Variants in C2orf76 observed in about 807,000 individuals in gnomAD.
C2orf76 encodes the protein UPF0538 protein C2orf76.
C2orf76 carries 23 observed loss-of-function variants against 16.9 expected under a neutral mutation model. The ratio of observed to expected loss-of-function variants is 1.36; its 90% confidence interval spans 0.98 to 1.93. The LOEUF is 1.93. Ranked by LOEUF, C2orf76 falls within the 30% of genes most tolerant of loss-of-function variation. The pLI is 0.00. For missense variants in C2orf76, 152 were observed against 152.6 expected, an observed-to-expected ratio of 1.00 and a Z score of 0.02; for synonymous variants, 48 against 52.3, an observed-to-expected ratio of 0.92 and a Z score of 0.35.
chr2:119,344,855 G>A (rs1680148511), intron 1 of C2orf76, among the ~76,000 whole-genome samples: 1 of 152,176 alleles, frequency 6.6e-6, no homozygotes, highest in African/African-American at 2.4e-5. Flanking sequence ...TAACAGAGAA[G>A]TCAGACTTAA....
intron 2 of C2orf76, among the ~76,000 whole-genome samples, chr2:119,326,885 T>C (rs1048295981): frequency 6.6e-6 from 1 of 152,248 alleles, no homozygotes; most frequent in African/African-American, 2.4e-5. Context: ...TTAATTCTTG[T>C]ACACTGATCT....
At chr2:119,281,626 T>A in the C2orf76 span, among the ~76,000 whole-genome samples, 2 of 152,220 alleles carry the variant, frequency 1.3e-5, no homozygotes, top group Admixed American at 1.3e-4. Flanking sequence ...TATAAGCGTT[T>A]GCTAAATAAA....
At chr2:119,358,597 A>AC (rs2104648111) in intron 1 of C2orf76, among the ~76,000 whole-genome samples, 2 of 145,224 alleles carry the variant, frequency 1.4e-5, no homozygotes, top group South Asian at 4.4e-4. Flanking sequence ...AAAAAAAAAA[A>AC]GGCAAAACAG....
intron 5 of C2orf76, 128 bp downstream of exon 5, chr2:119,311,494 T>C (rs182177190): frequency 6.2e-6 from 9 of 1,446,308 alleles, no homozygotes; most frequent in Non-Finnish European, 8.2e-6. Context: ...TCTGAACAGT[T>C]ACCGGGCAGT....
chr2:119,310,047 A>C (rs1162415072), intron 5 of C2orf76, among the ~76,000 whole-genome samples: 1 of 152,216 alleles, frequency 6.6e-6, no homozygotes, highest in Non-Finnish European at 1.5e-5. Context: ...GGCTTGACAT[A>C]ATTTTCTGGC....
the C2orf76 span, among the ~76,000 whole-genome samples, chr2:119,292,991 TGCC>T: frequency 6.6e-6 from 1 of 152,224 alleles, no homozygotes; most frequent in East Asian, 1.9e-4. Context: ...GCCGAGATTG[TGCC>T]ACTGAACTCC....
upstream of C2orf76, chr2:119,366,882 C>T: frequency 1.2e-6 from 1 of 849,816 alleles, no homozygotes; most frequent in Non-Finnish European, 1.8e-6. Context: ...GGGGGCTGGG[C>T]ACGCCCCTAG....
downstream of C2orf76, among the ~76,000 whole-genome samples, chr2:119,299,450 T>A (rs1273690240): frequency 6.6e-6 from 1 of 152,238 alleles, no homozygotes; most frequent in Non-Finnish European, 1.5e-5. Context: ...TTTGAATCAA[T>A]CTTCCATTCC....
chr2:119,297,223 A>G, the C2orf76 span, among the ~76,000 whole-genome samples: 5 of 152,210 alleles, frequency 3.3e-5, no homozygotes, highest in Admixed American at 6.5e-5. Context: ...GACTCCTCAG[A>G]GCTCTAGCAC....
chr2:119,348,555 G>A (rs1265900360), intron 1 of C2orf76, among the ~76,000 whole-genome samples: 1 of 152,084 alleles, frequency 6.6e-6, no homozygotes, highest in Non-Finnish European at 1.5e-5. Context: ...GCGTGGTGGT[G>A]CGCGCCTGTA....
chr2:119,312,150 C>T (rs931782031), intron 4 of C2orf76, among the ~76,000 whole-genome samples: 6 of 152,200 alleles, frequency 3.9e-5, no homozygotes, highest in African/African-American at 1.4e-4. Flanking sequence ...TTTGCTGCAT[C>T]ATCATCATCA....
chr2:119,299,987 C>T (rs139151289), downstream of C2orf76, among the ~76,000 whole-genome samples: 90 of 152,302 alleles, frequency 5.9e-4, no homozygotes, highest in Middle Eastern at 0.01. Flanking sequence ...AGGCATTCAC[C>T]AGGTCCCAAA....
At chr2:119,347,311 T>C (rs1680235016) in intron 1 of C2orf76, among the ~76,000 whole-genome samples, 1 of 151,926 alleles carries the variant, frequency 6.6e-6, no homozygotes, top group African/African-American at 2.4e-5. Flanking sequence ...GCATGAGAAA[T>C]AAAGAAAAGA....
chr2:119,356,384 G>A (rs375625907), intron 1 of C2orf76, among the ~76,000 whole-genome samples: 16 of 139,396 alleles, frequency 1.1e-4, no homozygotes, highest in African/African-American at 3.7e-4. Context: ...GTGACAGAGC[G>A]AGACTCTGTC....
Position 119,339,851 on chromosome 2 carries a change from C to T in C2orf76, c.109G>A (p.Glu37Lys), listed in dbSNP as rs1310395081. The change falls in exon 2 of 6, where the codon GAA (glutamate) becomes AAA (lysine). Residue 37 changes from glutamate to lysine, a missense_variant. Transcript: ENST00000334816. ...HGVNLDQTVK[E>K]FIVFLKQDIP... ...CCTTGCTTTAGAAATACGATAAATT[C>T]CTTTACAGTTTGGTCCAAATTCACT... is the stretch of plus-strand genomic sequence containing the variant. 3 of 1,606,928 alleles carry T rather than the reference C, an allele frequency of 1.9e-6. No homozygotes were observed. Among genetic ancestry groups the T allele is most frequent in the East Asian group, 2.2e-5 (1 of 44,688 alleles).
At chr2:119,284,073 T>C in the C2orf76 span, among the ~76,000 whole-genome samples, 1 of 152,154 alleles carries the variant, frequency 6.6e-6, no homozygotes, top group African/African-American at 2.4e-5. Flanking sequence ...GACATCAGGC[T>C]TACCCCTCTC....
chr2:119,365,564 G>C (rs190939517), intron 1 of C2orf76, among the ~76,000 whole-genome samples: 1 of 152,296 alleles, frequency 6.6e-6, no homozygotes, highest in East Asian at 1.9e-4. Context: ...CCTGGGGAGG[G>C]GGAAGGTGTA....
chr2:119,324,022 C>T (rs1290188070), intron 2 of C2orf76, among the ~76,000 whole-genome samples: 1 of 152,200 alleles, frequency 6.6e-6, no homozygotes, highest in Admixed American at 6.5e-5. Flanking sequence ...CTTGTGTCTC[C>T]ATTATTTGTG....
the C2orf76 span, among the ~76,000 whole-genome samples, chr2:119,281,171 C>T: frequency 6.6e-6 from 1 of 152,148 alleles, no homozygotes; most frequent in African/African-American, 2.4e-5. Flanking sequence ...CGGTGTTACA[C>T]AGGAAAACTC....
Sources: allele counts gnomAD v4.1 joint callset (sites outside exome capture counted in the v4.1 genomes callset), GRCh38; gene constraint gnomAD v4.1.1; transcripts MANE v1.5; gene names NCBI Gene and HGNC (gene_info 2026-07-23, HGNC 2026-07-21).